The following ACYP2 variants were observed in gnomAD, a reference collection of about 807,000 sequenced individuals.
The protein encoded by ACYP2 is acylphosphatase-2.
ACYP2 carries 12 observed loss-of-function variants against 11.2 expected under a neutral mutation model. The ratio of observed to expected loss-of-function variants is 1.08; its 90% CI spans 0.69 to 1.74. ACYP2 has a LOEUF of 1.74. ACYP2 is among the 40% of genes most tolerant of loss of function. The pLI is 0.00. For missense variants in ACYP2, 134 were observed against 101.9 expected (o/e 1.31, Z -1.35); for synonymous variants, 43 against 32.2 (o/e 1.33, Z -1.13).
chr2:54,115,443 A>T, intron 4 of ACYP2, 172 bp from the exon 1 acceptor site: 1 of 845,546 alleles, frequency 1.2e-6, no homozygotes, highest in African/African-American at 1.8e-5. Context: ...CATCCTCCCC[A>T]GTCCGGGAAG....
At chr2:54,069,333 C>G (rs1185077392) in intron 4 of ACYP2, among the ~76,000 whole-genome samples, 1 of 151,968 alleles carries the variant, frequency 6.6e-6, no homozygotes, top group African/African-American at 2.4e-5. Context: ...CCTACTTTCC[C>G]AAGAACTTGC....
At chr2:54,062,031 G>GT (rs1342818206) in intron 4 of ACYP2, among the ~76,000 whole-genome samples, 1 of 152,130 alleles carries the variant, frequency 6.6e-6, no homozygotes, top group Non-Finnish European at 1.5e-5. Flanking sequence ...AGTGTTTTGC[G>GT]TAAGTTGCAT....
At chr2:54,093,098 C>A (rs1405805046) in intron 4 of ACYP2, among the ~76,000 whole-genome samples, 1 of 152,140 alleles carries the variant, frequency 6.6e-6, no homozygotes, top group East Asian at 1.9e-4. Flanking sequence ...CTTCACTGCT[C>A]CAGAGTTGTG....
intron 6 of ACYP2, among the ~76,000 whole-genome samples, chr2:54,282,242 TA>T (rs1211246828): frequency 2.0e-5 from 3 of 152,232 alleles, no homozygotes; most frequent in Non-Finnish European, 4.4e-5. Context: ...CTGTATCTGT[TA>T]GGGTTAGAGA....
At chr2:54,260,663 G>A (rs955023338) in intron 6 of ACYP2, among the ~76,000 whole-genome samples, 1 of 152,126 alleles carries the variant, frequency 6.6e-6, no homozygotes. Flanking sequence ...AAGCTAGAGG[G>A]CTGAGAGACA....
intron 4 of ACYP2, among the ~76,000 whole-genome samples, chr2:54,110,681 G>C (rs907956195): frequency 1.3e-5 from 2 of 152,074 alleles, no homozygotes; most frequent in Non-Finnish European, 2.9e-5. Context: ...TCAGGATCCA[G>C]AGTATTTCTT....
At chr2:54,166,901 A>G (rs952801179) in intron 6 of ACYP2, 2 of 152,186 alleles carry the variant, frequency 1.3e-5, no homozygotes, top group Non-Finnish European at 2.9e-5. Flanking sequence ...GGCCCTCTTG[A>G]TAAAGGACTC....
intron 5 of ACYP2, among the ~76,000 whole-genome samples, chr2:54,136,909 G>A (rs1681277641): frequency 6.6e-6 from 1 of 152,162 alleles, no homozygotes; most frequent in African/African-American, 2.4e-5. Context: ...TTGGGAGGCA[G>A]AGGTTGCAGT....
At chr2:54,146,192 GT>G (rs1402131754) in intron 6 of ACYP2, among the ~76,000 whole-genome samples, 1 of 152,184 alleles carries the variant, frequency 6.6e-6, no homozygotes, top group Non-Finnish European at 1.5e-5. Flanking sequence ...AACTTACAGT[GT>G]TGCTGTTGAG....
intron 6 of ACYP2, among the ~76,000 whole-genome samples, chr2:54,271,554 C>T (rs567327758): frequency 6.6e-6 from 1 of 152,238 alleles, no homozygotes; most frequent in Non-Finnish European, 1.5e-5. Context: ...CCAAATCAAT[C>T]ATCGGCACCC....
intron 6 of ACYP2, among the ~76,000 whole-genome samples, chr2:54,304,320 AC>A (rs1301834619): frequency 1.3e-5 from 2 of 152,086 alleles, no homozygotes; most frequent in Non-Finnish European, 2.9e-5. Flanking sequence ...TAATGAGGAA[AC>A]AATAGTGAAT....
intron 6 of ACYP2, among the ~76,000 whole-genome samples, chr2:54,176,317 C>T (rs1203476434): frequency 3.3e-5 from 5 of 151,986 alleles, no homozygotes; most frequent in Non-Finnish European, 4.4e-5. Context: ...CCTTTCTTGC[C>T]AGAATGTGAA....
chr2:54,098,930 G>T lies in ACYP2; in HGVS notation c.278-36523G>T, dbSNP rs553297490. ...TTTTGTAGAGATGAGGTCTTGCTAT[G>T]TTGCCCAGGCTTGGTCTCAAACTCC... is the stretch of plus-strand genomic sequence containing the variant. On this transcript the variant is annotated intron_variant, in intron 4 of 6. Coordinates refer to ENST00000607452, the MANE Select transcript of ACYP2 (RefSeq NM_001320586.2). Among the ~76,000 whole-genome samples, 5 of 152,184 alleles carry T rather than the reference G, an allele frequency of 3.3e-5. No individual in the cohort carries two copies. The South Asian group carries it at 1.0e-3, about 32-fold the overall frequency.
intron 4 of ACYP2, among the ~76,000 whole-genome samples, chr2:54,098,928 A>G (rs961199355): frequency 1.3e-5 from 2 of 152,016 alleles, no homozygotes; most frequent in African/African-American, 4.8e-5. Context: ...AGGTCTTGCT[A>G]TGTTGCCCAG....
chr2:54,249,389 C>T (rs758637390), intron 6 of ACYP2, among the ~76,000 whole-genome samples: 16 of 149,452 alleles, frequency 1.1e-4, no homozygotes, highest in Non-Finnish European at 2.2e-4. Context: ...GAGCCAAGAT[C>T]GCGCCACTGC....
chr2:54,236,683 G>T (rs1482854035), intron 6 of ACYP2, among the ~76,000 whole-genome samples: 1 of 152,110 alleles, frequency 6.6e-6, no homozygotes, highest in Admixed American at 6.5e-5. Context: ...TATTGTATTT[G>T]TGACTATTAG....
chr2:54,117,991 T>G (rs1572794107), intron 4 of ACYP2, among the ~76,000 whole-genome samples: 1 of 152,200 alleles, frequency 6.6e-6, no homozygotes, highest in Non-Finnish European at 1.5e-5. Flanking sequence ...CCTTATAGCT[T>G]AGCTCCCACT....
chr2:54,281,058 C>T (rs1049604310), intron 6 of ACYP2, among the ~76,000 whole-genome samples: 1 of 152,136 alleles, frequency 6.6e-6, no homozygotes, highest in Non-Finnish European at 1.5e-5. Flanking sequence ...ATAGCTTCCT[C>T]AGAGAGAAGT....
chr2:54,015,645 T>TCTCACACACACACACA (rs1322863615), intron 2 of ACYP2, among the ~76,000 whole-genome samples: 1 of 130,420 alleles, frequency 7.7e-6, no homozygotes, highest in African/African-American at 3.1e-5. Flanking sequence ...TGAGACCCCG[T>TCTCACACACACACACA]CACACACACA....
Sources: gnomAD v4.1 joint callset for allele counts (sites outside exome capture counted in the v4.1 genomes callset) on GRCh38, gnomAD v4.1.1 for gene constraint, MANE v1.5 for transcripts, NCBI Gene and HGNC (gene_info 2026-07-23, HGNC 2026-07-21) for gene names.